NRXN1: variants seen among roughly 807,000 people sequenced by gnomAD.
NRXN1 encodes the protein neurexin-1.
Under a neutral mutation model 150.9 loss-of-function variants are expected in NRXN1, and 39 were observed. The ratio of observed to expected loss-of-function variants is 0.26; its 90% confidence interval spans 0.20 to 0.34. The LOEUF (loss-of-function observed/expected upper bound fraction) is 0.34. NRXN1 is among the 10% of genes least tolerant of loss of function. NRXN1 has a pLI of 1.00. For synonymous variants in NRXN1, 924 were observed against 757.0 expected (o/e 1.22, Z -3.62); for missense variants, 1,815 against 1,949.9 (o/e 0.93, Z 1.30).
chr2:49,973,026 G>A (rs1380221825), intron 21 of NRXN1: 1 of 152,134 alleles, frequency 6.6e-6, no homozygotes, highest in Non-Finnish European at 1.5e-5. Flanking sequence ...ATGTTTGAAT[G>A]CCAAGGCATT....
At chr2:51,022,828 G>A (rs954852413) in intron 2 of NRXN1, among the ~76,000 whole-genome samples, 14 of 152,056 alleles carry the variant, frequency 9.2e-5, no homozygotes, top group African/African-American at 2.9e-4. Context: ...AATATATTTT[G>A]TCACTAGAAC....
intron 5 of NRXN1, among the ~76,000 whole-genome samples, chr2:50,834,947 C>T (rs903545819): frequency 1.3e-5 from 2 of 152,150 alleles, no homozygotes; most frequent in African/African-American, 4.8e-5. Flanking sequence ...ACTTTTGTGT[C>T]ATCCCTCTTT....
intron 18 of NRXN1, among the ~76,000 whole-genome samples, chr2:50,128,103 T>A (rs1322124639): frequency 6.6e-6 from 1 of 152,226 alleles, no homozygotes; most frequent in Non-Finnish European, 1.5e-5. Flanking sequence ...ATACGATAGC[T>A]ACCAGGTTGA....
At chr2:50,815,902 A>G (rs866696622) in intron 5 of NRXN1, among the ~76,000 whole-genome samples, 1 of 152,130 alleles carries the variant, frequency 6.6e-6, no homozygotes, top group African/African-American at 2.4e-5. Flanking sequence ...AAATGCTAGA[A>G]TATCTCTCTT....
intron 8 of NRXN1, among the ~76,000 whole-genome samples, chr2:50,597,246 A>T (rs1472089054): frequency 1.3e-5 from 2 of 152,144 alleles, no homozygotes; most frequent in Non-Finnish European, 1.5e-5. Flanking sequence ...TAGCTAGCTC[A>T]GAAGAGACTG....
chr2:50,229,374 A>G (rs1201830473), intron 18 of NRXN1, among the ~76,000 whole-genome samples: 1 of 152,116 alleles, frequency 6.6e-6, no homozygotes, highest in Non-Finnish European at 1.5e-5. Flanking sequence ...ATCATTGTGC[A>G]AATGACCCAT....
At chr2:50,097,612 A>C (rs1700406347) in intron 18 of NRXN1, among the ~76,000 whole-genome samples, 2 of 150,722 alleles carry the variant, frequency 1.3e-5, no homozygotes, top group African/African-American at 2.4e-5. Context: ...AAACAAACAC[A>C]CTCAGATAAT....
intron 17 of NRXN1, among the ~76,000 whole-genome samples, chr2:50,283,349 A>T (rs1012030251): frequency 6.6e-6 from 1 of 152,216 alleles, no homozygotes; most frequent in African/African-American, 2.4e-5. Flanking sequence ...TTATGTGTTA[A>T]AAGTATTTTT....
chr2:49,957,314 A>G (rs1443752010), intron 21 of NRXN1, among the ~76,000 whole-genome samples: 1 of 152,152 alleles, frequency 6.6e-6, no homozygotes, highest in African/African-American at 2.4e-5. Flanking sequence ...TAGGCATACT[A>G]TCTAGCACAG....
chr2:50,669,346 T>G (rs989553222), intron 5 of NRXN1, among the ~76,000 whole-genome samples: 1 of 151,868 alleles, frequency 6.6e-6, no homozygotes, highest in Non-Finnish European at 1.5e-5. Flanking sequence ...CCAGAGAGGT[T>G]TTGGAGTAGA....
At chr2:49,943,939 G>C (rs902748478) in intron 21 of NRXN1, 148 bp from the exon 22 acceptor site, 35 of 701,586 alleles carry the variant, frequency 5.0e-5, no homozygotes, top group Non-Finnish European at 7.0e-5. Context: ...TTACATTTTA[G>C]ATCCTTCATA....
chr2:50,921,956 A>C, intron 4 of NRXN1, 76 bp from the exon 5 acceptor site: 1 of 784,590 alleles, frequency 1.3e-6, no homozygotes, highest in Non-Finnish European at 1.9e-6. Flanking sequence ...AAACAACAAT[A>C]AGTATTATGA....
chr2:50,394,673 C>T (rs967484437), intron 17 of NRXN1, among the ~76,000 whole-genome samples: 1 of 152,062 alleles, frequency 6.6e-6, no homozygotes, highest in African/African-American at 2.4e-5. Context: ...CTATTGTCCA[C>T]ACTGCAGCCA....
chr2:50,497,009 A>G (rs2091672936), intron 14 of NRXN1, among the ~76,000 whole-genome samples: 1 of 152,230 alleles, frequency 6.6e-6, no homozygotes, highest in South Asian at 2.1e-4. Flanking sequence ...ACAAACCTGT[A>G]TCAATGCTTT....
At chr2:50,183,834 T>G (rs1362676721) in intron 18 of NRXN1, among the ~76,000 whole-genome samples, 2 of 151,892 alleles carry the variant, frequency 1.3e-5, no homozygotes, top group Non-Finnish European at 2.9e-5. Flanking sequence ...GATTAAAGAT[T>G]AGTTTGCATT....
chr2:50,442,666 G>C (rs2086064732), intron 17 of NRXN1, among the ~76,000 whole-genome samples: 1 of 152,130 alleles, frequency 6.6e-6, no homozygotes, highest in Admixed American at 6.5e-5. Flanking sequence ...AGAAATATCA[G>C]AGTTACTGGC....
chr2:50,792,043 T>C (rs889844803), intron 5 of NRXN1, among the ~76,000 whole-genome samples: 6 of 152,072 alleles, frequency 3.9e-5, no homozygotes, highest in Admixed American at 2.6e-4. Context: ...AGAAACAAAA[T>C]AATTTCCTAA....
chr2:50,161,728 G>T lies in NRXN1; in HGVS notation c.3547-70234C>A, dbSNP rs191528863. ...CTGTTGCATAATATTATTATCTGTT[G>T]ATCTTCCCAGTAGATAATATATTCC... is the stretch of plus-strand genomic sequence containing the variant. On this transcript the variant is annotated intron_variant, in intron 18 of 22. Coordinates refer to ENST00000401669, the MANE Select transcript of NRXN1 (RefSeq NM_001330078.2). Among the ~76,000 whole-genome samples, 472 of 152,134 alleles carry T rather than the reference G, an allele frequency of 3.1e-3. 1 individual carries two copies. The highest frequency in any genetic ancestry group is 5.2e-3 in the Non-Finnish European group (351 of 67,998).
At chr2:50,656,554 A>C (rs1686494626) in intron 5 of NRXN1, 4 of 580,184 alleles carry the variant, frequency 6.9e-6, no homozygotes, top group Admixed American at 6.0e-5. Context: ...TTTTGTATAC[A>C]AAAGAATGGT....
Sources: gnomAD v4.1 joint callset for allele counts (sites outside exome capture counted in the v4.1 genomes callset) on GRCh38, gnomAD v4.1.1 for gene constraint, MANE v1.5 for transcripts, NCBI Gene and HGNC (gene_info 2026-07-23, HGNC 2026-07-21) for gene names.